Variants in ADAMTSL1 observed in about 807,000 individuals in gnomAD.
The protein encoded by ADAMTSL1 is ADAMTS-like protein 1.
In ADAMTSL1, 126 loss-of-function variants were observed where a neutral mutation model predicts 201.8. The observed-to-expected ratio is 0.62, with a 90% confidence interval of 0.54 to 0.72. The LOEUF is 0.72. Among genes scored for constraint, ADAMTSL1 ranks in the 30% least tolerant of loss-of-function variants. The pLI, the probability that ADAMTSL1 is intolerant of heterozygous loss-of-function variation, is 0.00. For missense variants in ADAMTSL1, 2,679 were observed against 2,277.8 expected (o/e 1.18, Z -3.59); for synonymous variants, 1,121 against 903.4 (o/e 1.24, Z -4.32).
intron 2 of ADAMTSL1, among the ~76,000 whole-genome samples, chr9:18,428,015 C>T (rs1819303005): frequency 6.6e-6 from 1 of 152,184 alleles, no homozygotes. Context: ...AGTTTGCCAC[C>T]CTCCTTCTCC....
Position 18,777,509 on chromosome 9 carries a change from G to C in ADAMTSL1, c.3280G>C (p.Asp1094His). The C allele has an allele frequency of 6.3e-7, 1 of 1,598,172 alleles. No homozygotes were observed. Among genetic ancestry groups the C allele is most frequent in the South Asian group, 1.1e-5 (1 of 88,478 alleles). The change falls in exon 19 of 29, where the codon GAC becomes CAC. Residue 1094 changes from aspartate to histidine, a missense_variant. Asp to His is a moderately conservative substitution (Grantham distance 81). Coordinates refer to ENST00000380548, the MANE Select transcript of ADAMTSL1 (RefSeq NM_001040272.6). Reference sequence around the variant, plus strand: ...CTCCCAGCAGCCCGAGGAGCTGCGCGACCTCTACAGCAAGCACCTGGTGGC... The same window carrying C: ...CTCCCAGCAGCCCGAGGAGCTGCGCCACCTCTACAGCAAGCACCTGGTGGC... ...NLSQQPEELR[D>H]LYSKHLVAQL... is the part of the protein sequence containing the mutation.
At chr9:18,567,177 T>G (rs1327365233) in intron 3 of ADAMTSL1, among the ~76,000 whole-genome samples, 1 of 152,150 alleles carries the variant, frequency 6.6e-6, no homozygotes, top group African/African-American at 2.4e-5. Flanking sequence ...TTAAAGTTTT[T>G]GACTAGGCTG....
rs202085722 is a variant in ADAMTSL1 at position 17,983,064 on chromosome 9, C to CTTTT, written c.87+76145_87+76146insTTTT. Among the ~76,000 whole-genome samples, 411 of 88,528 alleles carry CTTTT rather than the reference C, an allele frequency of 4.6e-3. 56 individuals are homozygous for CTTTT. Among genetic ancestry groups the CTTTT allele is most frequent in the African/African-American group, 7.8e-3 (181 of 23,224 alleles). The allele number at this position is 88,528 out of a possible 152,430, so 58.1% of individuals were successfully genotyped here. On this transcript the variant is annotated intron_variant, in intron 1 of 29. Transcript: ENST00000680146. ...TTTTCATTTTCTTTTTCTTTTCTTT[C>CTTTT]TTTCTTTCTTTCTTTTTTTTTTTTG...
At chr9:18,062,086 C>T (rs1008681642) in intron 1 of ADAMTSL1, among the ~76,000 whole-genome samples, 1 of 152,038 alleles carries the variant, frequency 6.6e-6, no homozygotes, top group Non-Finnish European at 1.5e-5. Context: ...GCTCAATGGT[C>T]GACTTAAAAA....
chr9:18,377,614 G>A (rs1343266112), intron 2 of ADAMTSL1, among the ~76,000 whole-genome samples: 1 of 152,142 alleles, frequency 6.6e-6, no homozygotes, highest in Non-Finnish European at 1.5e-5. Flanking sequence ...CTGTCACCCA[G>A]GCTAGAGTGC....
At chr9:18,320,506 C>G (rs1017964683) in intron 2 of ADAMTSL1, among the ~76,000 whole-genome samples, 1 of 152,142 alleles carries the variant, frequency 6.6e-6, no homozygotes, top group African/African-American at 2.4e-5. Flanking sequence ...AGTGTAACAA[C>G]TGCTAAAAGA....
At chr9:18,857,738 T>C (rs1267022575) in intron 23 of ADAMTSL1, among the ~76,000 whole-genome samples, 2 of 152,234 alleles carry the variant, frequency 1.3e-5, no homozygotes, top group Non-Finnish European at 2.9e-5. Context: ...TCATTCCTCA[T>C]TGAACTTACC....
chr9:18,020,271 G>A (rs528751298), intron 1 of ADAMTSL1, among the ~76,000 whole-genome samples: 2 of 152,162 alleles, frequency 1.3e-5, no homozygotes, highest in South Asian at 4.1e-4. Context: ...TCTTTAGTGT[G>A]AACAGGATTT....
intron 26 of ADAMTSL1, among the ~76,000 whole-genome samples, chr9:18,899,223 A>G (rs931783699): frequency 4.6e-5 from 7 of 152,196 alleles, no homozygotes; most frequent in African/African-American, 1.4e-4. Context: ...TAAAATACCT[A>G]GGAATACAGC....
intron 1 of ADAMTSL1, among the ~76,000 whole-genome samples, chr9:18,032,742 G>A (rs12554268): frequency 0.039 from 5,927 of 152,256 alleles, 377 homozygotes; most frequent in East Asian, 0.35. Flanking sequence ...CCTTGCCAAT[G>A]CAAATGTCTG....
chr9:18,611,626 C>T (rs919100124), intron 4 of ADAMTSL1, among the ~76,000 whole-genome samples: 2 of 152,138 alleles, frequency 1.3e-5, no homozygotes, highest in Non-Finnish European at 2.9e-5. Flanking sequence ...CGTTAGAAAT[C>T]AGACTTACTT....
intron 2 of ADAMTSL1, among the ~76,000 whole-genome samples, chr9:18,193,654 C>T (rs1768323297): frequency 1.3e-5 from 2 of 152,072 alleles, no homozygotes; most frequent in Admixed American, 1.3e-4. Context: ...AATAGAACTA[C>T]AATTTGTCAC....
chr9:18,290,784 T>TG (rs11409178), intron 2 of ADAMTSL1, among the ~76,000 whole-genome samples: 19,311 of 95,346 alleles, frequency 0.2, 1,477 homozygotes, highest in Middle Eastern at 0.26. Context: ...TTTGTGTGTT[T>TG]TTTTTTTTTT....
chr9:18,589,511 C>A (rs1564072768), intron 4 of ADAMTSL1, among the ~76,000 whole-genome samples: 1 of 152,108 alleles, frequency 6.6e-6, no homozygotes, highest in Non-Finnish European at 1.5e-5. Flanking sequence ...AAGATTATGT[C>A]ATCTGCAAAC....
rs1432313624 is a variant in ADAMTSL1 at position 18,859,666 on chromosome 9, G to C, written c.4250-28165G>C. ...AGTATTTTCAAATGATACCTACTGA[G>C]CTATCAGTGCTACTTCAGTCATGTA... On this transcript the variant is annotated intron_variant, in intron 23 of 28. Transcript: ENST00000380548. Among the ~76,000 whole-genome samples, 4 of 152,178 alleles carry C rather than the reference G, an allele frequency of 2.6e-5. 1 individual carries two copies. The highest frequency in any genetic ancestry group is 5.9e-5 in the Non-Finnish European group (4 of 68,034).
chr9:18,743,911 C>G (rs141906724), intron 15 of ADAMTSL1, among the ~76,000 whole-genome samples: 4 of 152,276 alleles, frequency 2.6e-5, no homozygotes, highest in East Asian at 1.9e-4. Flanking sequence ...GCTTTTCTGA[C>G]TTTGTCTATT....
In ADAMTSL1 at chr9:18,377,711, C is replaced by T. The variant is rs549818938; in HGVS notation, c.208-127118C>T. The stretch of plus-strand genomic sequence containing the variant: ...CCTCCCAAGTAGCTGGGAATACAGT[C>T]GCGTGCCACCACGCCCGGTTAATTT... On this transcript the variant is annotated intron_variant, in intron 2 of 29. Transcript: ENST00000680146. Among the ~76,000 whole-genome samples the T allele has an allele frequency of 6.0e-4, 91 of 152,190 alleles. No individual in the cohort carries two copies. The Middle Eastern group carries it at 0.017, about 28-fold the overall frequency.
intron 1 of ADAMTSL1, among the ~76,000 whole-genome samples, chr9:18,019,124 A>T (rs1214084287): frequency 6.6e-6 from 1 of 152,066 alleles, no homozygotes; most frequent in Non-Finnish European, 1.5e-5. Flanking sequence ...AGTGGCAGAA[A>T]GTTTAGCAAC....
chr9:18,080,334 A>G (rs1269137988), intron 1 of ADAMTSL1, among the ~76,000 whole-genome samples: 1 of 152,174 alleles, frequency 6.6e-6, no homozygotes, highest in African/African-American at 2.4e-5. Flanking sequence ...AGACTGAGGC[A>G]GAAGGATGGT....
Sources: allele counts gnomAD v4.1 joint callset (sites outside exome capture counted in the v4.1 genomes callset), GRCh38; gene constraint gnomAD v4.1.1; transcripts MANE v1.5; gene names NCBI Gene and HGNC (gene_info 2026-07-23, HGNC 2026-07-21).